SPEG: variants seen among roughly 807,000 people sequenced by gnomAD.
SPEG encodes striated muscle enriched protein kinase, also known as striated muscle preferentially expressed protein kinase.
In SPEG, 114 loss-of-function variants were observed where a neutral mutation model predicts 300.4. The ratio of observed to expected loss-of-function variants is 0.38; its 90% CI spans 0.33 to 0.44. The LOEUF is 0.44. Ranked by LOEUF, SPEG falls within the 20% of genes least tolerant of loss-of-function variation. The pLI, the probability that SPEG is intolerant of heterozygous loss-of-function variation, is 1.00. For missense variants in SPEG, 4,201 were observed against 4,586.2 expected (o/e 0.92, Z 2.43); for synonymous variants, 1,964 against 2,018.9 (o/e 0.97, Z 0.73).
rs1689039462 is a variant in SPEG at position 219,443,021 on chromosome 2, C to T, written c.389-1632C>T. On this transcript the variant is annotated intron_variant, in intron 1 of 40. Transcript: ENST00000312358. The surrounding 1 kb of genome is among the most constrained non-coding windows in gnomAD (Gnocchi z 4.6). ...ACACTGGCCAGGGAATGAGTTTCTG[C>T]TTGATGTTGCAGGTCTGGATGGGAG... The T allele has an allele frequency of 5.5e-6, 6 of 1,086,726 alleles. No homozygotes were observed. The highest frequency in any genetic ancestry group is 8.2e-6 in the Non-Finnish European group (6 of 729,754). 67.3% of individuals were successfully genotyped at this position (1,086,726 alleles called of 1,614,324 possible). A position where few individuals can be genotyped will look rare whatever the true frequency, so the allele number is the denominator to read the frequency against.
At position 219,484,058 on chromosome 2, in the gene SPEG, C is replaced by G. The variant is rs1693131892; in HGVS notation, c.6595C>G (p.Pro2199Ala). Residue 2199 changes from proline (P) to alanine (A), a missense_variant, in exon 30 of 41, where the codon CCT becomes GCT. By Grantham distance (27) the Pro-to-Ala change is conservative. Coordinates refer to ENST00000312358, the MANE Select transcript of SPEG (RefSeq NM_005876.5). ...GTCTGCAGAACCTTCTGCCACCACA[C>G]CTAGTGATGCTCCGCAGCCCCCCGC... ...PKSAEPSATTPSDAPQPPAPQ... is the reference protein window; with the variant it reads ...PKSAEPSATTASDAPQPPAPQ... The G allele has an allele frequency of 6.2e-7, 1 of 1,613,612 alleles. No individual in the cohort carries two copies. Among genetic ancestry groups the G allele is most frequent in the East Asian group, 2.2e-5 (1 of 44,860 alleles).
Position 219,489,189 on chromosome 2 carries a change from C to G in SPEG, c.8285C>G (p.Ser2762Cys). 3 of 1,613,972 alleles carry G rather than the reference C, an allele frequency of 1.9e-6. No individual in the cohort carries two copies. In the South Asian group the frequency reaches 3.3e-5, roughly 18 times the overall value. ...NRAGQGPFSN[S>C]SEKVFVRGTQ... ...GCTGGGCAGGGGCCCTTCAGCAACT[C>G]TTCTGAGAAGGTCTTTGTCAGGGGT... Residue 2762 changes from serine (S) to cysteine (C), a missense_variant, in exon 35 of 41, where the codon TCT becomes TGT. This residue lies in a region of SPEG where 1,578 missense variants were observed against 1,506.0 expected (regional missense o/e 1.05). Transcript: ENST00000312358.
At chr2:219,453,371 G>T (rs947295732) in intron 6 of SPEG, among the ~76,000 whole-genome samples, 1 of 152,260 alleles carries the variant, frequency 6.6e-6, no homozygotes, top group Non-Finnish European at 1.5e-5. Flanking sequence ...GGATGAAAGC[G>T]AATGTGTGAA....
intron 22 of SPEG, 151 bp from the exon 23 acceptor site, chr2:219,478,993 A>C: frequency 5.2e-4 from 306 of 593,146 alleles, no homozygotes; most frequent in Non-Finnish European, 6.8e-4. Flanking sequence ...GGGAGGGGGT[A>C]CACGTGGAGG....
chr2:219,466,125 C>T (rs1691326844), intron 9 of SPEG: 1 of 1,569,856 alleles, frequency 6.4e-7, no homozygotes, highest in Non-Finnish European at 8.6e-7. Flanking sequence ...GTCTCAGGCA[C>T]CTCTCGGACC....
In SPEG at chr2:219,493,118, G is replaced by A; in HGVS notation, c.*332G>A. 2 of 555,300 alleles carry A rather than the reference G, an allele frequency of 3.6e-6. No individual in the cohort carries two copies. The highest frequency in any genetic ancestry group is 6.8e-6 in the Non-Finnish European group (2 of 295,156). The allele number at this position is 555,300 out of a possible 1,614,324, so 34.4% of individuals were successfully genotyped here. A position where few individuals can be genotyped will look rare whatever the true frequency, so the allele number is the denominator to read the frequency against. On this transcript the variant is annotated 3_prime_UTR_variant, in exon 41 of 41. Coordinates refer to ENST00000312358, the MANE Select transcript of SPEG (RefSeq NM_005876.5). ...AGGCTCTAGGAAGGTTCTGGGTTGG[G>A]GGTCAGTGCATCTCAGGGAGAACCA...
chr2:219,447,827 G>T, intron 3 of SPEG, 147 bp from the exon 4 acceptor site: 1 of 723,140 alleles, frequency 1.4e-6, no homozygotes, highest in Non-Finnish European at 2.2e-6. Flanking sequence ...CGCTCCTCGT[G>T]GGGGTGGGGG....
At chr2:219,460,598 G>A (rs1690585088) in intron 6 of SPEG, 1 of 985,464 alleles carries the variant, frequency 1.0e-6, no homozygotes, top group South Asian at 4.7e-5. Flanking sequence ...GTAAGGAGAA[G>A]AAAGGCAGAT....
At chr2:219,485,953 C>T (rs1693377812) in intron 31 of SPEG, among the ~76,000 whole-genome samples, 1 of 152,204 alleles carries the variant, frequency 6.6e-6, no homozygotes, top group Non-Finnish European at 1.5e-5. Context: ...AGATATAGGG[C>T]CCTCCTGCCT....
chr2:219,483,917 C>G lies in SPEG; in HGVS notation c.6454C>G (p.Pro2152Ala). ...CCGAGCGGGGGCGCCCCTCGAGATC[C>G]CCGTGGCCAGGCTTGGGGCCCGTAG... is the stretch of plus-strand genomic sequence containing the variant. ...HRRAGAPLEI[P>A]VARLGARRLQ... The change falls in exon 30 of 41, where the codon CCC becomes GCC. Residue 2152 changes from proline (P) to alanine (A), a missense_variant. Physicochemically the swap from Pro to Ala is conservative, Grantham distance 27. Coordinates refer to ENST00000312358, the MANE Select transcript of SPEG (RefSeq NM_005876.5). The G allele has an allele frequency of 6.2e-7, 1 of 1,603,750 alleles. No homozygotes were observed.
In SPEG at chr2:219,477,227, A is replaced by T. The variant is rs750584860; in HGVS notation, c.4561-50A>T. On this transcript the variant is annotated intron_variant, in intron 19 of 40. Coordinates refer to ENST00000312358, the MANE Select transcript of SPEG (RefSeq NM_005876.5). The surrounding 1 kb of genome is among the most constrained non-coding windows in gnomAD (Gnocchi z 6.4). ...AGTAGGAGATGAGGCCCTGGCCCCA[A>T]GGTAGAGATGAGGCCAGGCCCAGGC... The T allele has an allele frequency of 6.4e-5, 36 of 559,274 alleles. No homozygotes were observed. The highest frequency in any genetic ancestry group is 5.3e-5 in the Non-Finnish European group (20 of 379,636). 34.6% of individuals were successfully genotyped at this position (559,274 alleles called of 1,614,324 possible). A position where few individuals can be genotyped will look rare whatever the true frequency, so the allele number is the denominator to read the frequency against.
chr2:219,492,142 GA>G lies in SPEG; in HGVS notation c.9494del (p.Asp3165AlafsTer59). On this transcript the variant is annotated frameshift_variant, in exon 40 of 41. Coordinates refer to ENST00000312358, the MANE Select transcript of SPEG (RefSeq NM_005876.5). LOFTEE classifies it high-confidence loss of function. ...LSGRSPFYEP[D>X]PQETEARIVG... ...TGGACGCTCCCCGTTCTATGAGCCAGACCCCCAGGAAACGGAGGCTCGGATT... is the reference window on the plus strand; with the variant it reads ...TGGACGCTCCCCGTTCTATGAGCCAGCCCCCAGGAAACGGAGGCTCGGATT... The G allele has an allele frequency of 6.2e-7, 1 of 1,613,606 alleles. No individual in the cohort carries two copies. Among genetic ancestry groups the G allele is most frequent in the Non-Finnish European group, 8.5e-7 (1 of 1,179,784 alleles).
chr2:219,469,496 G>C, intron 13 of SPEG, 117 bp downstream of exon 13: 2 of 833,102 alleles, frequency 2.4e-6, no homozygotes, highest in Non-Finnish European at 3.7e-6. Flanking sequence ...ACCAGGGACA[G>C]GGTGCCTGGG....
chr2:219,483,687 T>G lies in SPEG; in HGVS notation c.6224T>G (p.Leu2075Arg), dbSNP rs892492321. Residue 2075 changes from leucine (L) to arginine (R), a missense_variant, in exon 30 of 41, where the codon CTG becomes CGG. Physicochemically the swap from Leu to Arg is moderately radical, Grantham distance 102. This residue lies in a region of SPEG where 1,578 missense variants were observed against 1,506.0 expected (regional missense o/e 1.05). Transcript: ENST00000312358. ...QRLQALRQRL[L>R]RGGPEDGKVS... ...CTGCAGGCCCTGCGCCAGCGGCTGC[T>G]GCGGGGAGGCCCCGAGGATGGCAAG... 13 of 1,533,980 alleles carry G rather than the reference T, an allele frequency of 8.5e-6. No homozygotes were observed. Among genetic ancestry groups the G allele is most frequent in the Non-Finnish European group, 1.1e-5 (13 of 1,146,828 alleles).
chr2:219,464,121 TAAAA>T lies in SPEG; in HGVS notation c.2706-299_2706-296del, dbSNP rs113435783. 2.3e-5 allele frequency among the ~76,000 whole-genome samples: 3 copies of T among 130,412 alleles called. No homozygotes were observed. The South Asian group carries it at 7.4e-4, about 32-fold the overall frequency. 85.6% of individuals were successfully genotyped at this position (130,412 alleles called of 152,430 possible). On this transcript the variant is annotated intron_variant, in intron 8 of 40. Coordinates refer to ENST00000312358, the MANE Select transcript of SPEG (RefSeq NM_005876.5). This position sits in a 1 kb window ranked among gnomAD's most constrained non-coding sequence, Gnocchi z 4.5. ...CTGGGTGACAGAGGGAAACCCTGTT[TAAAA>T]AAAAAAAAAAAAGACAAGAAAAAAG...
Position 219,468,652 on chromosome 2 carries a change from G to T in SPEG, c.3217G>T (p.Val1073Leu). ...APLFTRLLED[V>L]EVLEGRAARF... is the part of the protein sequence containing the mutation. ...CCTGTTCACACGGCTGCTGGAAGATGTGGAGGTGTTGGAGGGCCGAGCTGC... is the reference window on the plus strand; with the variant it reads ...CCTGTTCACACGGCTGCTGGAAGATTTGGAGGTGTTGGAGGGCCGAGCTGC... The change falls in exon 11 of 41, where the codon GTG becomes TTG. Residue 1073 changes from valine (V) to leucine (L), a missense_variant. Val to Leu is a conservative substitution (Grantham distance 32). Transcript: ENST00000312358. 1 of 1,614,124 alleles carries T rather than the reference G, an allele frequency of 6.2e-7. No homozygotes were observed. Among genetic ancestry groups the T allele is most frequent in the Non-Finnish European group, 8.5e-7 (1 of 1,180,008 alleles).
chr2:219,450,200 T>C (rs897115608), intron 4 of SPEG, among the ~76,000 whole-genome samples: 2 of 152,234 alleles, frequency 1.3e-5, no homozygotes, highest in African/African-American at 2.4e-5. Flanking sequence ...CTGGACACCA[T>C]TATTGCAAAC....
intron 14 of SPEG, 33 bp from the exon 15 acceptor site, chr2:219,472,194 G>C (rs1393896183): frequency 6.2e-7 from 1 of 1,605,662 alleles, no homozygotes; most frequent in Non-Finnish European, 8.5e-7. Flanking sequence ...TTGGGCCCTT[G>C]GACCCAGCAG....
In SPEG at chr2:219,473,445, G is replaced by T. The variant is rs1399157907; in HGVS notation, c.4148-59G>T. 1 of 1,528,070 alleles carries T rather than the reference G, an allele frequency of 6.5e-7. No homozygotes were observed. Among genetic ancestry groups the T allele is most frequent in the African/African-American group, 1.4e-5 (1 of 73,170 alleles). The allele number at this position is 1,528,070 out of a possible 1,614,324, so 94.7% of individuals were successfully genotyped here. On this transcript the variant is annotated intron_variant, in intron 16 of 40. Transcript: ENST00000312358. The surrounding 1 kb of genome is among the most constrained non-coding windows in gnomAD (Gnocchi z 4.6). Reference sequence around the variant, plus strand: ...GTTGATGAGGGGTGTTAGAGGAGTGGTGGGTGCTGAGGACCTGATGTCAAG... The same window carrying T: ...GTTGATGAGGGGTGTTAGAGGAGTGTTGGGTGCTGAGGACCTGATGTCAAG...
Sources: gnomAD v4.1 joint callset for allele counts (sites outside exome capture counted in the v4.1 genomes callset) on GRCh38, gnomAD v4.1.1 for gene constraint, gnomAD v4.1.1 regional missense constraint, Gnocchi (gnomAD v3.1) non-coding constraint, MANE v1.5 for transcripts, NCBI Gene and HGNC (gene_info 2026-07-23, HGNC 2026-07-21) for gene names.